The following TRPM3 variants were observed in gnomAD, a reference collection of about 807,000 sequenced individuals.
The protein encoded by TRPM3 is long transient receptor potential channel 3.
Under a neutral mutation model 181.2 loss-of-function variants are expected in TRPM3, and 77 were observed. That is an observed-to-expected ratio of 0.42 (90% CI 0.35 to 0.51). The LOEUF (loss-of-function observed/expected upper bound fraction) is 0.51. Among genes scored for constraint, TRPM3 ranks in the 20% least tolerant of loss-of-function variants. TRPM3 has a pLI of 0.01. For synonymous variants in TRPM3, 745 were observed against 796.4 expected (o/e 0.94, Z 1.09); for missense variants, 1,759 against 2,196.7 (o/e 0.80, Z 3.98).
At chr9:70,789,019 C>T (rs986408959) in intron 6 of TRPM3, among the ~76,000 whole-genome samples, 3 of 152,144 alleles carry the variant, frequency 2.0e-5, no homozygotes, top group Admixed American at 2.0e-4. Context: ...ATTGGGGACT[C>T]CTGGTTAGGA....
At chr9:71,013,280 G>T (rs563736969) in intron 1 of TRPM3, among the ~76,000 whole-genome samples, 82 of 152,014 alleles carry the variant, frequency 5.4e-4, no homozygotes, top group African/African-American at 1.9e-3. Flanking sequence ...AAACATCCTT[G>T]CATTTCCGAA....
In TRPM3 at chr9:71,197,178, T is replaced by C. The variant is rs145477944; in HGVS notation, c.183+249475A>G. Among the ~76,000 whole-genome samples the C allele has an allele frequency of 4.7e-3, 710 of 152,306 alleles. 4 individuals carry two copies. The highest frequency in any genetic ancestry group is 8.3e-3 in the South Asian group (40 of 4,822). On this transcript the variant is annotated intron_variant, in intron 1 of 24. Coordinates refer to the TRPM3 transcript ENST00000357533. ...GAAGGATGATTCCCAATTTCATCCATGTCCCTACAAAGGACATGAACTCAT... is the reference window on the plus strand; with the variant it reads ...GAAGGATGATTCCCAATTTCATCCACGTCCCTACAAAGGACATGAACTCAT...
At chr9:71,309,592 T>G (rs756621676) in intron 1 of TRPM3, among the ~76,000 whole-genome samples, 11 of 152,164 alleles carry the variant, frequency 7.2e-5, no homozygotes, top group Non-Finnish European at 1.5e-4. Context: ...TTTTAGCTAT[T>G]TTCTTGCTCT....
At chr9:70,564,742 A>T (rs1329922944) in intron 22 of TRPM3, among the ~76,000 whole-genome samples, 1 of 152,106 alleles carries the variant, frequency 6.6e-6, no homozygotes, top group Admixed American at 6.6e-5. Flanking sequence ...CAAAGAAATA[A>T]TCTATGGCTC....
At chr9:70,915,442 C>T (rs991374472) in intron 1 of TRPM3, among the ~76,000 whole-genome samples, 21 of 151,642 alleles carry the variant, frequency 1.4e-4, no homozygotes, top group Admixed American at 3.3e-4. Flanking sequence ...GGACTACAGG[C>T]GCCCACCACC....
At chr9:71,407,787 T>TG (rs1304166939) in intron 1 of TRPM3, among the ~76,000 whole-genome samples, 4 of 152,210 alleles carry the variant, frequency 2.6e-5, no homozygotes, top group African/African-American at 9.6e-5. Context: ...AGTAGGTCAC[T>TG]GACCCACAAG....
intron 17 of TRPM3, among the ~76,000 whole-genome samples, chr9:70,618,409 T>A (rs2133159754): frequency 6.6e-6 from 1 of 152,352 alleles, no homozygotes; most frequent in South Asian, 2.1e-4. Context: ...AGTAGATCTA[T>A]CTCAGTTTTA....
At chr9:71,070,507 T>C (rs1265436820) in intron 1 of TRPM3, among the ~76,000 whole-genome samples, 1 of 152,222 alleles carries the variant, frequency 6.6e-6, no homozygotes, top group African/African-American at 2.4e-5. Flanking sequence ...TTATCAGATG[T>C]ATTTTCCTTT....
chr9:71,200,296 T>C (rs2078693016), intron 1 of TRPM3, among the ~76,000 whole-genome samples: 1 of 151,958 alleles, frequency 6.6e-6, no homozygotes, highest in Non-Finnish European at 1.5e-5. Context: ...TTTCCAACTA[T>C]GTGGTCAATT....
intron 1 of TRPM3, among the ~76,000 whole-genome samples, chr9:71,196,581 C>A (rs943156855): frequency 6.6e-6 from 1 of 151,936 alleles, no homozygotes; most frequent in Non-Finnish European, 1.5e-5. Flanking sequence ...TGTTCTTCTT[C>A]TCTCCCCTCT....
At chr9:70,805,156 C>A (rs1457723433) in intron 6 of TRPM3, among the ~76,000 whole-genome samples, 3 of 138,074 alleles carry the variant, frequency 2.2e-5, no homozygotes, top group African/African-American at 8.1e-5. Flanking sequence ...AGAGAAGGAG[C>A]ATGATCATGA....
Position 70,673,890 on chromosome 9 carries a change from A to G in TRPM3, c.1345+7616T>C, listed in dbSNP as rs2063465376. On this transcript the variant is annotated intron_variant, in intron 9 of 25. Transcript: ENST00000677713. ...CTTGAACCTGGGAGATGGAGGTTGC[A>G]GTGAGCCAAGATCGTGCCATTGCAC... Among the ~76,000 whole-genome samples, 4 of 147,942 alleles carry G rather than the reference A, an allele frequency of 2.7e-5. No individual in the cohort carries two copies. The Admixed American group carries it at 2.8e-4, about 10-fold the overall frequency.
intron 22 of TRPM3, among the ~76,000 whole-genome samples, chr9:70,559,107 A>G (rs2048432310): frequency 6.6e-6 from 1 of 152,210 alleles, no homozygotes; most frequent in Non-Finnish European, 1.5e-5. Context: ...TAACAAGTCA[A>G]TGACATCCCT....
At chr9:70,980,496 T>C (rs3010440) in intron 1 of TRPM3, among the ~76,000 whole-genome samples, 111,456 of 151,998 alleles carry the variant, frequency 0.73, 41,012 homozygotes, top group African/African-American at 0.8. Flanking sequence ...TAATCAGTGT[T>C]GTCTGTGTGT....
At chr9:70,903,271 C>T (rs2096412107) in intron 1 of TRPM3, among the ~76,000 whole-genome samples, 2 of 152,186 alleles carry the variant, frequency 1.3e-5, no homozygotes, top group South Asian at 4.1e-4. Context: ...CAGGGCTTTG[C>T]ACTTAAAACA....
chr9:70,638,621 C>A, intron 11 of TRPM3, among the ~76,000 whole-genome samples: 1 of 152,098 alleles, frequency 6.6e-6, no homozygotes. Flanking sequence ...CCTTTTCTTC[C>A]ACTTTATAGC....
intron 1 of TRPM3, among the ~76,000 whole-genome samples, chr9:71,375,596 A>C (rs1172903246): frequency 6.6e-6 from 1 of 152,190 alleles, no homozygotes; most frequent in East Asian, 1.9e-4. Context: ...CAACCTACAG[A>C]ATGGGAGAAA....
intron 1 of TRPM3, among the ~76,000 whole-genome samples, chr9:71,421,629 G>A (rs551487508): frequency 6.6e-6 from 1 of 151,920 alleles, no homozygotes; most frequent in South Asian, 2.1e-4. Flanking sequence ...GCATCATTTT[G>A]TCCTAGTGCA....
Position 71,444,911 on chromosome 9 carries a change from T to A in TRPM3, c.183+1742A>T, listed in dbSNP as rs1359600054. 2.0e-5 allele frequency among the ~76,000 whole-genome samples: 3 copies of A among 152,374 alleles called. No individual in the cohort carries two copies. The Middle Eastern group carries it at 0.01, about 518-fold the overall frequency. Reference sequence around the variant, plus strand: ...AAGAAAATCAATATCAAACTTGCCATGCAATGTGAGAATAAGCACAGGCTT... The same window carrying A: ...AAGAAAATCAATATCAAACTTGCCAAGCAATGTGAGAATAAGCACAGGCTT... On this transcript the variant is annotated intron_variant, in intron 1 of 24. Transcript: ENST00000357533.
Sources: gnomAD v4.1 joint callset for allele counts (sites outside exome capture counted in the v4.1 genomes callset) on GRCh38, gnomAD v4.1.1 for gene constraint, MANE v1.5 for transcripts, NCBI Gene and HGNC (gene_info 2026-07-23, HGNC 2026-07-21) for gene names.